Variants in BRWD3 observed in about 807,000 individuals in gnomAD.
The protein encoded by BRWD3 is bromodomain and WD repeat domain containing 3, also known as bromodomain and WD repeat-containing protein 3.
Under a neutral mutation model 149.7 loss-of-function variants are expected in BRWD3, and 10 were observed. The observed-to-expected ratio is 0.07, with a 90% confidence interval of 0.04 to 0.11. The LOEUF (loss-of-function observed/expected upper bound fraction) is 0.11. BRWD3 is among the 10% of genes least tolerant of loss of function. The pLI is 1.00. For missense variants in BRWD3, 940 were observed against 1,373.2 expected (o/e 0.68, Z 4.99); for synonymous variants, 504 against 456.7 (o/e 1.10, Z -1.32).
intron 3 of BRWD3, 34 bp from the exon 4 acceptor site, chrX:80,808,632 A>G (rs768544775): frequency 3.6e-5 from 42 of 1,174,865 alleles, no homozygotes; most frequent in East Asian, 9.0e-5. Context: ...GGGGAAGCGG[A>G]GGCAAATGAT....
intron 4 of BRWD3, among the ~76,000 whole-genome samples, chrX:80,807,759 T>G (rs751966120): frequency 8.9e-6 from 1 of 112,010 alleles, no homozygotes; most frequent in Admixed American, 9.5e-5. Context: ...TATTCCATTT[T>G]TAAATATGTC....
intron 20 of BRWD3, among the ~76,000 whole-genome samples, chrX:80,712,860 A>C (rs1234324057): frequency 1.1e-5 from 1 of 87,357 alleles, no homozygotes; most frequent in African/African-American, 4.6e-5. Flanking sequence ...AAGTGAGGAG[A>C]CCCTCCGCCT....
At chrX:80,688,912 T>A (rs1427481103) in intron 33 of BRWD3, among the ~76,000 whole-genome samples, 1 of 111,004 alleles carries the variant, frequency 9.0e-6, no homozygotes, top group African/African-American at 3.3e-5. Flanking sequence ...ATCTAATTGG[T>A]ATATCATGTT....
In BRWD3 at chrX:80,674,162, T is replaced by C. The variant is rs1281355880; in HGVS notation, c.*2447A>G. 8.9e-6 allele frequency: 1 copy of C among 111,938 alleles called. No homozygotes were observed. The highest frequency in any genetic ancestry group is 1.9e-5 in the Non-Finnish European group (1 of 53,048). The allele number at this position is 111,938 out of a possible 1,213,427, so 9.2% of individuals were successfully genotyped here. ...GACTAACTCTTTAAATCTTAATAAC[T>C]GAAATAAACATTACAGCAAAATGCT... On this transcript the variant is annotated 3_prime_UTR_variant, in exon 41 of 41. Transcript: ENST00000373275.
chrX:80,751,867 C>T (rs2147800258), intron 6 of BRWD3, among the ~76,000 whole-genome samples: 1 of 110,230 alleles, frequency 9.1e-6, no homozygotes, highest in Admixed American at 9.8e-5. Flanking sequence ...TAATGACCTC[C>T]AGTTCCATCC....
chrX:80,677,725 C>T (rs1263896069), intron 40 of BRWD3, among the ~76,000 whole-genome samples: 3 of 111,347 alleles, frequency 2.7e-5, no homozygotes, highest in Non-Finnish European at 5.7e-5. Context: ...GCTTTGAATA[C>T]GGCAATGAAA....
intron 6 of BRWD3, among the ~76,000 whole-genome samples, chrX:80,754,572 T>C (rs1486513011): frequency 8.9e-6 from 1 of 112,227 alleles, no homozygotes; most frequent in Non-Finnish European, 1.9e-5. Flanking sequence ...GGCACTCTCT[T>C]GTCTTGCTCC....
intron 4 of BRWD3, among the ~76,000 whole-genome samples, chrX:80,805,357 C>T (rs748850200): frequency 7.5e-4 from 84 of 111,344 alleles, no homozygotes; most frequent in Non-Finnish European, 1.0e-3. Context: ...TGAAAGTATA[C>T]ATATGAACAA....
intron 4 of BRWD3, among the ~76,000 whole-genome samples, chrX:80,800,587 A>C (rs1239551870): frequency 9.2e-6 from 1 of 109,083 alleles, no homozygotes; most frequent in East Asian, 2.9e-4. Context: ...AAAAAAAAAC[A>C]AGACTGGAAG....
intron 4 of BRWD3, among the ~76,000 whole-genome samples, chrX:80,797,519 A>G (rs2074250608): frequency 8.9e-6 from 1 of 111,827 alleles, no homozygotes; most frequent in South Asian, 3.7e-4. Flanking sequence ...TCTTAAACTG[A>G]TATCTTAAGC....
At chrX:80,794,527 A>AT (rs1365572130) in intron 4 of BRWD3, among the ~76,000 whole-genome samples, 84 of 109,266 alleles carry the variant, frequency 7.7e-4, no homozygotes, top group Non-Finnish European at 1.2e-3. Flanking sequence ...ATAAATAAAA[A>AT]AATATATATA....
At chrX:80,683,423 A>T (rs912007594) in intron 37 of BRWD3, among the ~76,000 whole-genome samples, 1 of 111,447 alleles carries the variant, frequency 9.0e-6, no homozygotes, top group Non-Finnish European at 1.9e-5. Context: ...GGGGGAAGCA[A>T]GTGTAAACAA....
Position 80,709,473 on chromosome X carries a change from T to G in BRWD3, c.2430A>C (p.Ser810=). ...RSNIEHNSQA[S]CQNSGVQEDS... ...CTTCCTGTACACCTGAATTTTGACA[T>G]GATGCCTGTGAATTATGCTCTATGT... The change falls in exon 21 of 41, where the codon TCA becomes TCC. Residue 810 remains serine (S), a synonymous_variant. Coordinates refer to ENST00000373275, the MANE Select transcript of BRWD3 (RefSeq NM_153252.5). 1 of 1,209,891 alleles carries G rather than the reference T, an allele frequency of 8.3e-7. No homozygotes were observed. The highest frequency in any genetic ancestry group is 1.1e-6 in the Non-Finnish European group (1 of 893,858).
intron 33 of BRWD3, among the ~76,000 whole-genome samples, chrX:80,688,878 T>C (rs1306270136): frequency 9.0e-6 from 1 of 111,146 alleles, no homozygotes; most frequent in Non-Finnish European, 1.9e-5. Context: ...ACATTTTTCT[T>C]AGGTTTTAAG....
At chrX:80,677,955 C>T (rs1397230096) in intron 40 of BRWD3, among the ~76,000 whole-genome samples, 2 of 111,155 alleles carry the variant, frequency 1.8e-5, no homozygotes, top group African/African-American at 6.5e-5. Context: ...AGGGAAAGAA[C>T]ATTCCAGAGG....
intron 8 of BRWD3, 77 bp downstream of exon 8, chrX:80,743,955 T>C (rs1476141524): frequency 1.2e-6 from 1 of 868,148 alleles, no homozygotes; most frequent in East Asian, 3.3e-5. Flanking sequence ...GGCTATTATC[T>C]ATACAATGTA....
intron 8 of BRWD3, among the ~76,000 whole-genome samples, chrX:80,738,674 G>A (rs1414757368): frequency 9.0e-6 from 1 of 111,394 alleles, no homozygotes; most frequent in Non-Finnish European, 1.9e-5. Context: ...CAATAAGGTA[G>A]TCAGAGAAGG....
intron 20 of BRWD3, among the ~76,000 whole-genome samples, chrX:80,711,415 A>C (rs1158105498): frequency 8.9e-6 from 1 of 111,836 alleles, no homozygotes; most frequent in African/African-American, 3.3e-5. Flanking sequence ...AACATCATAC[A>C]ACAGAGAAAG....
At chrX:80,747,313 T>C (rs1165137507) in intron 6 of BRWD3, among the ~76,000 whole-genome samples, 1 of 109,689 alleles carries the variant, frequency 9.1e-6, no homozygotes, top group Non-Finnish European at 1.9e-5. Flanking sequence ...GATTCTTTGC[T>C]GTGGGGACTT....
Sources: gnomAD v4.1 joint callset for allele counts (sites outside exome capture counted in the v4.1 genomes callset) on GRCh38, gnomAD v4.1.1 for gene constraint, MANE v1.5 for transcripts, NCBI Gene and HGNC (gene_info 2026-07-23, HGNC 2026-07-21) for gene names.